Variants in ZNF678 observed in about 807,000 individuals in gnomAD.
The protein encoded by ZNF678 is zinc finger protein 678.
In ZNF678, 5 loss-of-function variants were observed where a neutral mutation model predicts 3.0. The ratio of observed to expected loss-of-function variants is 1.69; its 90% CI spans 0.88 to 3.56. The LOEUF (loss-of-function observed/expected upper bound fraction) is 3.56, where lower values mean the gene tolerates loss of function less well. Ranked by LOEUF, ZNF678 falls within the 30% of genes most tolerant of loss-of-function variation. The pLI, the probability that ZNF678 is intolerant of heterozygous loss-of-function variation, is 0.00. For missense variants in ZNF678, 593 were observed against 605.0 expected (o/e 0.98, Z 0.21); for synonymous variants, 218 against 199.6 (o/e 1.09, Z -0.78).
chr1:227,576,096 A>C (rs111979796), intron 1 of ZNF678, among the ~76,000 whole-genome samples: 1 of 152,186 alleles, frequency 6.6e-6, no homozygotes. Flanking sequence ...GATAAAGCCT[A>C]CTTGATCATG....
chr1:227,587,616 C>G (rs191568271), intron 1 of ZNF678, among the ~76,000 whole-genome samples: 87 of 152,204 alleles, frequency 5.7e-4, no homozygotes, highest in African/African-American at 2.0e-3. Context: ...TAAGCAGTAG[C>G]CTGTCAGTTC....
intron 1 of ZNF678, among the ~76,000 whole-genome samples, chr1:227,581,804 C>T (rs552969229): frequency 2.8e-4 from 43 of 152,292 alleles, no homozygotes; most frequent in Non-Finnish European, 5.1e-4. Context: ...ATAGGTTATG[C>T]GTATGTTCAG....
intron 1 of ZNF678, among the ~76,000 whole-genome samples, chr1:227,603,964 C>A (rs1657800762): frequency 6.6e-6 from 1 of 152,134 alleles, no homozygotes. Flanking sequence ...CTTCTGGTTT[C>A]TATTAGTTTG....
intron 1 of ZNF678, among the ~76,000 whole-genome samples, chr1:227,643,863 C>CTTTTTTTT (rs554280668): frequency 6.1e-5 from 7 of 115,414 alleles, no homozygotes; most frequent in Non-Finnish European, 8.6e-5. Context: ...CTTTTCTTTT[C>CTTTTTTTT]TTTTTTTTTT....
At chr1:227,586,901 G>A (rs1233347157) in intron 1 of ZNF678, among the ~76,000 whole-genome samples, 1 of 152,214 alleles carries the variant, frequency 6.6e-6, no homozygotes, top group Non-Finnish European at 1.5e-5. Context: ...GGGCAGGAAT[G>A]TAAGGGAGAG....
chr1:227,651,387 C>A (rs1026584528), intron 3 of ZNF678, among the ~76,000 whole-genome samples: 25 of 152,156 alleles, frequency 1.6e-4, no homozygotes, highest in African/African-American at 5.6e-4. Context: ...GCAAGACTGT[C>A]CACAGAATGT....
At chr1:227,614,056 G>T (rs922606423) in intron 1 of ZNF678, among the ~76,000 whole-genome samples, 1 of 152,140 alleles carries the variant, frequency 6.6e-6, no homozygotes, top group Non-Finnish European at 1.5e-5. Context: ...GTCTCTATTA[G>T]AAATTCTTGA....
intron 3 of ZNF678, 129 bp downstream of exon 3, chr1:227,651,205 A>G (rs1026967274): frequency 1.3e-5 from 13 of 998,808 alleles, no homozygotes; most frequent in East Asian, 2.5e-5. Context: ...TGGTGGGCTT[A>G]TTACCAGGGG....
intron 1 of ZNF678, chr1:227,598,575 G>T: frequency 1.4e-6 from 1 of 712,200 alleles, no homozygotes. Context: ...AGTAAACTGT[G>T]ATTCTGACAA....
rs759279241 is a variant in ZNF678 at position 227,655,621 on chromosome 1, A to G, written c.1371A>G (p.Glu457=). ...GTAAGCATAAGAGAATTCATACTGA[A>G]GAGAAACCCTACAAATGTGAAGAAT... ...ILSKHKRIHT[E]EKPYKCEECG... is the part of the protein sequence containing the mutation. Residue 457 remains glutamate (E), a synonymous_variant, in exon 4 of 4, where the codon GAA becomes GAG. Coordinates refer to ENST00000343776, the MANE Select transcript of ZNF678 (RefSeq NM_001367909.1). 8 of 1,612,592 alleles carry G rather than the reference A, an allele frequency of 5.0e-6. No individual in the cohort carries two copies. The highest frequency in any genetic ancestry group is 1.7e-5 in the Admixed American group (1 of 59,826).
chr1:227,580,059 C>T (rs780005060), intron 1 of ZNF678, among the ~76,000 whole-genome samples: 3 of 152,136 alleles, frequency 2.0e-5, no homozygotes, highest in Non-Finnish European at 4.4e-5. Context: ...GCTCGGGGTT[C>T]CAGAGGCCTG....
chr1:227,645,277 G>A (rs1007489023), intron 1 of ZNF678, among the ~76,000 whole-genome samples: 2 of 152,138 alleles, frequency 1.3e-5, no homozygotes, highest in African/African-American at 4.8e-5. Flanking sequence ...AATCTCATCT[G>A]AACAGAAATC....
At chr1:227,590,572 T>C (rs537614560) in intron 1 of ZNF678, among the ~76,000 whole-genome samples, 1 of 151,920 alleles carries the variant, frequency 6.6e-6, no homozygotes, top group African/African-American at 2.4e-5. Flanking sequence ...TTATCATCTT[T>C]TTAATTATCT....
chr1:227,674,507 G>A (rs915088273), intron 5 of ZNF678, among the ~76,000 whole-genome samples: 1 of 148,384 alleles, frequency 6.7e-6, no homozygotes, highest in African/African-American at 2.6e-5. Context: ...TCATGAAACT[G>A]TGAACTTAAA....
chr1:227,642,611 C>T (rs1658848802), intron 1 of ZNF678, among the ~76,000 whole-genome samples: 2 of 152,024 alleles, frequency 1.3e-5, no homozygotes, highest in Non-Finnish European at 2.9e-5. Flanking sequence ...CTTTCCTGGC[C>T]TCATAGGAAT....
At chr1:227,652,290 T>C (rs1032202831) in intron 3 of ZNF678, among the ~76,000 whole-genome samples, 1 of 152,220 alleles carries the variant, frequency 6.6e-6, no homozygotes, top group Non-Finnish European at 1.5e-5. Context: ...ATTTGGTTAC[T>C]ATTTGCATGG....
Position 227,628,389 on chromosome 1 carries a change from G to A in ZNF678, c.-163-18155G>A, listed in dbSNP as rs11579081. On this transcript the variant is annotated intron_variant, in intron 1 of 3. Transcript: ENST00000343776. ...GGCCTTCTTTAGGGCCTGGAAAGCC[G>A]CTTCTGCTTCAGGTGTCCATTCTAC... Among the ~76,000 whole-genome samples the A allele has an allele frequency of 8.5e-4, 130 of 152,260 alleles. 1 individual carries two copies. Among genetic ancestry groups the A allele is most frequent in the Non-Finnish European group, 1.4e-3 (95 of 68,016 alleles).
chr1:227,583,381 T>A (rs1327304414), intron 1 of ZNF678, among the ~76,000 whole-genome samples: 8 of 149,100 alleles, frequency 5.4e-5, no homozygotes, highest in Non-Finnish European at 1.2e-4. Flanking sequence ...AGACAGAGTC[T>A]TGCCTTGTCG....
chr1:227,572,653 A>T lies in ZNF678; in HGVS notation c.-164+8929A>T, dbSNP rs1000752676. On this transcript the variant is annotated intron_variant, in intron 1 of 3. Coordinates refer to ENST00000343776, the MANE Select transcript of ZNF678 (RefSeq NM_001367909.1). The stretch of plus-strand genomic sequence containing the variant: ...ACTGCCTGGCCTTATGTAAATAGAG[A>T]GCTCAGCTAAGGCCTAAAGTTGTAA... 2.0e-5 allele frequency among the ~76,000 whole-genome samples: 3 copies of T among 152,126 alleles called. No homozygotes were observed. In the South Asian group the frequency reaches 6.2e-4, roughly 32 times the overall value.
Sources: allele counts gnomAD v4.1 joint callset (sites outside exome capture counted in the v4.1 genomes callset), GRCh38; gene constraint gnomAD v4.1.1; transcripts MANE v1.5; gene names NCBI Gene and HGNC (gene_info 2026-07-23, HGNC 2026-07-21).